The following SPAG17 variants were observed in gnomAD, a reference collection of about 807,000 sequenced individuals.
The protein encoded by SPAG17 is sperm associated antigen 17.
Under a neutral mutation model 273.6 loss-of-function variants are expected in SPAG17, and 169 were observed. The ratio of observed to expected loss-of-function variants is 0.62; its 90% CI spans 0.55 to 0.70. The LOEUF (loss-of-function observed/expected upper bound fraction) is 0.70, where lower values mean the gene tolerates loss of function less well. Ranked by LOEUF, SPAG17 falls within the 30% of genes least tolerant of loss-of-function variation. The pLI is 0.00. For synonymous variants in SPAG17, 825 were observed against 873.2 expected, an observed-to-expected ratio of 0.94 and a Z score of 0.97; for missense variants, 2,557 against 2,627.8, an observed-to-expected ratio of 0.97 and a Z score of 0.59.
At chr1:117,977,089 C>G (rs1447818554) in intron 43 of SPAG17, among the ~76,000 whole-genome samples, 1 of 151,664 alleles carries the variant, frequency 6.6e-6, no homozygotes, top group Non-Finnish European at 1.5e-5. Flanking sequence ...GTGGGCAGAT[C>G]ACCTGAGGTC....
chr1:118,068,477 A>G (rs1653212126), intron 17 of SPAG17, among the ~76,000 whole-genome samples: 1 of 152,162 alleles, frequency 6.6e-6, no homozygotes, highest in South Asian at 2.1e-4. Flanking sequence ...CCTTTCTTTT[A>G]GATAATAAGA....
intron 3 of SPAG17, among the ~76,000 whole-genome samples, chr1:118,122,457 A>T (rs1657478149): frequency 6.6e-6 from 1 of 152,214 alleles, no homozygotes; most frequent in Non-Finnish European, 1.5e-5. Flanking sequence ...GCAGAGCCTC[A>T]GGCAAGTTAC....
chr1:118,184,859 C>T (rs183656038), intron 1 of SPAG17, among the ~76,000 whole-genome samples: 515 of 152,310 alleles, frequency 3.4e-3, no homozygotes, highest in Non-Finnish European at 6.4e-3. Context: ...TCTCACCAAC[C>T]TTTGAAATCA....
intron 1 of SPAG17, among the ~76,000 whole-genome samples, chr1:118,165,499 G>A (rs1181914671): frequency 6.6e-6 from 1 of 151,952 alleles, no homozygotes; most frequent in East Asian, 1.9e-4. Context: ...AAATATGACT[G>A]TAATAAACCA....
chr1:117,988,850 A>G (rs755952790), intron 38 of SPAG17, among the ~76,000 whole-genome samples: 28 of 152,342 alleles, frequency 1.8e-4, no homozygotes, highest in Non-Finnish European at 3.4e-4. Context: ...TATGAAACTC[A>G]TTTTTGGTGG....
At chr1:118,147,760 G>C (rs1382799600) in intron 3 of SPAG17, among the ~76,000 whole-genome samples, 2 of 152,146 alleles carry the variant, frequency 1.3e-5, no homozygotes, top group Admixed American at 6.6e-5. Flanking sequence ...ATGAAAACTT[G>C]AGCAAATCAC....
chr1:118,042,789 T>C (rs1007192345), intron 20 of SPAG17, among the ~76,000 whole-genome samples: 1 of 152,148 alleles, frequency 6.6e-6, no homozygotes, highest in African/African-American at 2.4e-5. Flanking sequence ...GTACTTAAAT[T>C]CTCAAAAATT....
Position 118,124,079 on chromosome 1 carries a change from C to A in SPAG17, c.316-8638G>T, listed in dbSNP as rs573598525. On this transcript the variant is annotated intron_variant, in intron 3 of 48. Coordinates refer to ENST00000336338, the MANE Select transcript of SPAG17 (RefSeq NM_206996.4). ...TAAGGAGTGTTTTTGTTTTTGTATA[C>A]TTGCAAAATGTATAAAGGCACATGA... is the stretch of plus-strand genomic sequence containing the variant. 4.6e-5 allele frequency among the ~76,000 whole-genome samples: 7 copies of A among 152,250 alleles called. No individual in the cohort carries two copies. The South Asian group carries it at 1.0e-3, about 23-fold the overall frequency.
intron 48 of SPAG17, among the ~76,000 whole-genome samples, chr1:117,958,516 G>A (rs111774316): frequency 3.2e-4 from 48 of 152,098 alleles, no homozygotes; most frequent in Non-Finnish European, 2.5e-4. Flanking sequence ...TGAATCTCAC[G>A]AATGTCTCTT....
intron 22 of SPAG17, 99 bp from the exon 23 acceptor site, chr1:118,039,543 G>T (rs1256303886): frequency 7.9e-7 from 1 of 1,267,036 alleles, no homozygotes; most frequent in Non-Finnish European, 1.1e-6. Context: ...ACAAACACAC[G>T]AACAGAAAAC....
At chr1:118,074,487 G>A in intron 16 of SPAG17, 52 bp downstream of exon 16, 1 of 1,466,744 alleles carries the variant, frequency 6.8e-7, no homozygotes, top group Non-Finnish European at 9.6e-7. Flanking sequence ...CCAAGTCATG[G>A]TTTTTCTCAG....
At chr1:118,143,943 CT>C (rs1419250984) in intron 3 of SPAG17, among the ~76,000 whole-genome samples, 1 of 152,276 alleles carries the variant, frequency 6.6e-6, no homozygotes, top group Admixed American at 6.5e-5. Flanking sequence ...CAACCCAGTC[CT>C]TGTGTGGCAT....
chr1:118,155,522 T>C (rs2102359658), intron 1 of SPAG17, among the ~76,000 whole-genome samples: 2 of 152,318 alleles, frequency 1.3e-5, no homozygotes, highest in Middle Eastern at 6.8e-3. Context: ...CCTCTTCTGC[T>C]GCCTTTGCTA....
At chr1:118,177,064 G>A (rs1431276475) in intron 1 of SPAG17, among the ~76,000 whole-genome samples, 1 of 152,022 alleles carries the variant, frequency 6.6e-6, no homozygotes, top group African/African-American at 2.4e-5. Flanking sequence ...TAAGAGGAAA[G>A]TTTATTGGAA....
intron 20 of SPAG17, among the ~76,000 whole-genome samples, chr1:118,042,759 C>A (rs544521554): frequency 5.9e-5 from 9 of 152,242 alleles, no homozygotes; most frequent in Admixed American, 5.9e-4. Flanking sequence ...CCCCAAGTAA[C>A]CAATGGAATC....
intron 13 of SPAG17, among the ~76,000 whole-genome samples, chr1:118,083,997 C>T (rs1654805040): frequency 6.6e-6 from 1 of 152,040 alleles, no homozygotes; most frequent in South Asian, 2.1e-4. Context: ...GGCATGTAAG[C>T]AGCATATGTG....
intron 4 of SPAG17, among the ~76,000 whole-genome samples, chr1:118,111,777 T>C (rs1349736058): frequency 2.0e-5 from 3 of 152,184 alleles, no homozygotes; most frequent in Admixed American, 2.0e-4. Context: ...GTTTTAAGAA[T>C]AGTTTACCAG....
intron 26 of SPAG17, among the ~76,000 whole-genome samples, chr1:118,028,021 A>T (rs1229552362): frequency 6.6e-6 from 1 of 152,070 alleles, no homozygotes; most frequent in Non-Finnish European, 1.5e-5. Context: ...AAGTAACTGA[A>T]CCTCCTGAAG....
chr1:118,109,046 T>G (rs1165608849), intron 4 of SPAG17, among the ~76,000 whole-genome samples: 1 of 152,136 alleles, frequency 6.6e-6, no homozygotes. Context: ...AAAATTCAAA[T>G]ATAATTAATA....
Sources: gnomAD v4.1 joint callset for allele counts (sites outside exome capture counted in the v4.1 genomes callset) on GRCh38, gnomAD v4.1.1 for gene constraint, MANE v1.5 for transcripts, NCBI Gene and HGNC (gene_info 2026-07-23, HGNC 2026-07-21) for gene names.